The following MLX variants were observed in gnomAD, a reference collection of about 807,000 sequenced individuals.
MLX encodes the protein MAX dimerization protein MLX.
In MLX, 15 loss-of-function variants were observed where a neutral mutation model predicts 33.0. The ratio of observed to expected loss-of-function variants is 0.45; its 90% CI spans 0.30 to 0.70. MLX has a LOEUF of 0.70. MLX is among the 30% of genes least tolerant of loss of function. The pLI is 0.07. For missense variants in MLX, 285 were observed against 306.3 expected, an observed-to-expected ratio of 0.93 and a Z score of 0.52; for synonymous variants, 115 against 115.6, an observed-to-expected ratio of 0.99 and a Z score of 0.03.
At chr17:42,569,948 T>C in intron 6 of MLX, 34 bp from the exon 7 acceptor site, 1 of 1,601,464 alleles carries the variant, frequency 6.2e-7, no homozygotes, top group Non-Finnish European at 8.5e-7. Context: ...GCGGAGCTGC[T>C]GCAGCACCTC....
intron 6 of MLX, 26 bp from the exon 7 acceptor site, chr17:42,569,956 C>T: frequency 6.2e-7 from 1 of 1,610,132 alleles, no homozygotes; most frequent in East Asian, 2.2e-5. Flanking sequence ...GCTGCAGCAC[C>T]TCAGCCCTGG....
intron 2 of MLX, chr17:42,568,239 T>C: frequency 4.0e-6 from 1 of 248,830 alleles, no homozygotes; most frequent in Non-Finnish European, 7.9e-6. Flanking sequence ...GGCGGGCGCC[T>C]GTAGTCCCAG....
Position 42,569,205 on chromosome 17 carries a change from G to A in MLX, c.278G>A (p.Arg93Lys). 6.2e-7 allele frequency: 1 copy of A among 1,613,912 alleles called. No individual in the cohort carries two copies. The highest frequency in any genetic ancestry group is 1.1e-5 in the South Asian group (1 of 91,082). ...AEQKRRDAIKRGYDDLQTIVP... is the reference protein window; with the variant it reads ...AEQKRRDAIKKGYDDLQTIVP... Reference sequence around the variant, plus strand: ...CCATTTCCCCTGCTGTTTCCACAGAGAGGCTATGATGACCTTCAGACCATC... The same window carrying A: ...CCATTTCCCCTGCTGTTTCCACAGAAAGGCTATGATGACCTTCAGACCATC... The change falls in exon 5 of 8, where the codon AGA becomes AAA. Residue 93 changes from arginine (R) to lysine (K), a missense_variant and splice_region_variant. By Grantham distance (26) the Arg-to-Lys change is conservative. Coordinates refer to ENST00000435881, the MANE Select transcript of MLX (RefSeq NM_198204.2).
In MLX at chr17:42,572,806, C is replaced by G. The variant is rs765293303; in HGVS notation, c.*1203C>G. ...ACCCCCAGCCACCAGCCCTCATCCT[C>G]TCTACCCAGTGCTCTGGTTTATGCT... On this transcript the variant is annotated 3_prime_UTR_variant, in exon 8 of 8. Transcript: ENST00000435881. 2.4e-6 allele frequency: 2 copies of G among 840,842 alleles called. No homozygotes were observed. Among genetic ancestry groups the G allele is most frequent in the Middle Eastern group, 3.3e-4 (1 of 3,016 alleles). 52.1% of individuals were successfully genotyped at this position (840,842 alleles called of 1,614,324 possible).
At chr17:42,567,495 A>C (rs2093013031) in intron 1 of MLX, 124 bp from the exon 2 acceptor site, 1 of 1,520,486 alleles carries the variant, frequency 6.6e-7, no homozygotes, top group Non-Finnish European at 8.9e-7. Flanking sequence ...TGTGTGTGCA[A>C]GCGCGCAGGG....
intron 1 of MLX, 45 bp from the exon 2 acceptor site, chr17:42,567,558 AAGGGGCGCCTCCCCCT>A (rs1366375944): frequency 2.5e-6 from 4 of 1,609,956 alleles, no homozygotes; most frequent in Non-Finnish European, 3.4e-6. Context: ...CCTGCAGTGG[AAGGGGCGCCTCCCCCT>A]AGGGGCGGAG....
At position 42,571,947 on chromosome 17, in the gene MLX, T is replaced by G. The variant is rs965574473; in HGVS notation, c.*344T>G. On this transcript the variant is annotated 3_prime_UTR_variant, in exon 8 of 8. Transcript: ENST00000435881. ...AAGCCTCAGATTTCTGCTCATGATC[T>G]ACATAGATTTGGAAACTGTTTTCCT... is the stretch of plus-strand genomic sequence containing the variant. 3.2e-6 allele frequency: 1 copy of G among 309,268 alleles called. No individual in the cohort carries two copies. Among genetic ancestry groups the G allele is most frequent in the African/African-American group, 2.2e-5 (1 of 46,054 alleles). 19.2% of individuals were successfully genotyped at this position (309,268 alleles called of 1,614,324 possible). A position where few individuals can be genotyped will look rare whatever the true frequency, so the allele number is the denominator to read the frequency against.
At chr17:42,568,380 TA>T in intron 2 of MLX, 89 bp from the exon 3 acceptor site, 3 of 859,888 alleles carry the variant, frequency 3.5e-6, no homozygotes, top group East Asian at 2.6e-5. Context: ...AATAAATAAA[TA>T]AAAGAAAGCC....
chr17:42,572,550 C>T lies in MLX; in HGVS notation c.*947C>T, dbSNP rs1159719732. ...AGCAGGTCCTGAGTGAAGCCGTGGG[C>T]CCTCCAAATGCTCGTTTTATAGCAA... On this transcript the variant is annotated 3_prime_UTR_variant, in exon 8 of 8. Transcript: ENST00000435881. 2.2e-6 allele frequency: 1 copy of T among 453,650 alleles called. No homozygotes were observed. Among genetic ancestry groups the T allele is most frequent in the South Asian group, 1.6e-5 (1 of 64,186 alleles). The allele number at this position is 453,650 out of a possible 1,614,324, so 28.1% of individuals were successfully genotyped here.
In MLX at chr17:42,572,594, C is replaced by T. The variant is rs1267508468; in HGVS notation, c.*991C>T. On this transcript the variant is annotated 3_prime_UTR_variant, in exon 8 of 8. Transcript: ENST00000435881. ...ATAGCAACCTCTCTCTACCCTAGTT[C>T]TCCAAATTCACTTCTGCCTTCCTCA... The T allele has an allele frequency of 2.2e-6, 1 of 452,942 alleles. No homozygotes were observed. Among genetic ancestry groups the T allele is most frequent in the Non-Finnish European group, 4.4e-6 (1 of 226,124 alleles). The allele number at this position is 452,942 out of a possible 1,614,324, so 28.1% of individuals were successfully genotyped here.
In MLX at chr17:42,569,614, G is replaced by A. The variant is rs1205657792; in HGVS notation, c.476+8G>A. On this transcript the variant is annotated splice_region_variant and intron_variant, in intron 6 of 7. Transcript: ENST00000435881. ...CCTAAAGATCATGAAAGTGTAAGAG[G>A]GGTGCTGAATGGGGGGAACCAGAAC... 6.2e-7 allele frequency: 1 copy of A among 1,610,390 alleles called. No individual in the cohort carries two copies. Among genetic ancestry groups the A allele is most frequent in the South Asian group, 1.1e-5 (1 of 90,954 alleles).
In MLX at chr17:42,571,464, A is replaced by G. The variant is rs186069603; in HGVS notation, c.679-83A>G. The G allele has an allele frequency of 5.3e-5, 77 of 1,449,292 alleles. No individual in the cohort carries two copies. In the East Asian group the frequency reaches 1.2e-3, roughly 22 times the overall value. The allele number at this position is 1,449,292 out of a possible 1,614,324, so 89.8% of individuals were successfully genotyped here. ...TTTTTAAAGCACTTTTCTAAAGTAC[A>G]TGGCTGATCTAGGCAGGCATCTTGG... is the stretch of plus-strand genomic sequence containing the variant. On this transcript the variant is annotated intron_variant, in intron 7 of 7. Coordinates refer to ENST00000435881, the MANE Select transcript of MLX (RefSeq NM_198204.2).
intron 7 of MLX, among the ~76,000 whole-genome samples, chr17:42,571,241 G>A (rs1199421905): frequency 6.6e-6 from 1 of 150,990 alleles, no homozygotes; most frequent in Non-Finnish European, 1.5e-5. Flanking sequence ...GGGTTCAGGC[G>A]ATTCTCATAC....
intron 2 of MLX, 29 bp from the exon 3 acceptor site, chr17:42,568,441 C>T: frequency 1.3e-6 from 2 of 1,560,968 alleles, no homozygotes; most frequent in Non-Finnish European, 1.8e-6. Context: ...CCACCCCACC[C>T]CTTAGTGATT....
intron 1 of MLX, 33 bp downstream of exon 1, chr17:42,567,199 GA>G: frequency 1.5e-6 from 2 of 1,294,338 alleles, no homozygotes; most frequent in Non-Finnish European, 2.0e-6. Flanking sequence ...CCGGCGAGGG[GA>G]GGGCGGGTCG....
chr17:42,570,202 C>T lies in MLX; in HGVS notation c.678+19C>T, dbSNP rs2093025081. ...GCCTCAGGTATGGGGCAACAATAGG[C>T]ACAGGGTCTGCGGTTTTCTCTACCA... is the stretch of plus-strand genomic sequence containing the variant. On this transcript the variant is annotated intron_variant, in intron 7 of 7. Transcript: ENST00000435881. The T allele has an allele frequency of 1.2e-6, 2 of 1,611,698 alleles. No homozygotes were observed.
At position 42,567,605 on chromosome 17, in the gene MLX, G is replaced by C; in HGVS notation, c.43-14G>C. On this transcript the variant is annotated splice_polypyrimidine_tract_variant and intron_variant, in intron 1 of 7. Coordinates refer to ENST00000435881, the MANE Select transcript of MLX (RefSeq NM_198204.2). The stretch of plus-strand genomic sequence containing the variant: ...CGGAGGTCTGACGGGCCCTTCCCGT[G>C]CTCTGTGCCGCAGGTGGAGTATGCC... 1 of 1,614,058 alleles carries C rather than the reference G, an allele frequency of 6.2e-7. No homozygotes were observed. The highest frequency in any genetic ancestry group is 2.2e-5 in the East Asian group (1 of 44,878).
chr17:42,572,747 T>C lies in MLX; in HGVS notation c.*1144T>C. The C allele has an allele frequency of 1.5e-6, 1 of 669,416 alleles. No individual in the cohort carries two copies. Among genetic ancestry groups the C allele is most frequent in the East Asian group, 2.9e-5 (1 of 34,098 alleles). 41.5% of individuals were successfully genotyped at this position (669,416 alleles called of 1,614,324 possible). ...CCAAGTCTAAATGTTAACCTCAAGC[T>C]ACTGCAATTTAGACAATGAAATGGG... On this transcript the variant is annotated 3_prime_UTR_variant, in exon 8 of 8. Coordinates refer to ENST00000435881, the MANE Select transcript of MLX (RefSeq NM_198204.2).
intron 7 of MLX, among the ~76,000 whole-genome samples, chr17:42,571,330 CA>C (rs1384575027): frequency 6.6e-6 from 1 of 151,994 alleles, no homozygotes; most frequent in Non-Finnish European, 1.5e-5. Context: ...GACGGGGTTT[CA>C]CTATGTTGGC....
Sources: gnomAD v4.1 joint callset for allele counts (sites outside exome capture counted in the v4.1 genomes callset) on GRCh38, gnomAD v4.1.1 for gene constraint, MANE v1.5 for transcripts, NCBI Gene and HGNC (gene_info 2026-07-23, HGNC 2026-07-21) for gene names.